The following TTYH1 variants were observed in gnomAD, a reference collection of about 807,000 sequenced individuals.
TTYH1 encodes the protein protein tweety homolog 1.
A neutral mutation model predicts 61.2 loss-of-function variants in TTYH1; 33 were observed. The ratio of observed to expected loss-of-function variants is 0.54; its 90% CI spans 0.41 to 0.72. The LOEUF (loss-of-function observed/expected upper bound fraction) is 0.72. Ranked by LOEUF, TTYH1 falls within the 30% of genes least tolerant of loss-of-function variation. The probability of loss-of-function intolerance (pLI) is 0.00; values close to 1 mark genes in which losing one functional copy is unlikely to be tolerated. For synonymous variants in TTYH1, 308 were observed against 266.4 expected, an observed-to-expected ratio of 1.16 and a Z score of -1.52; for missense variants, 538 against 575.8, an observed-to-expected ratio of 0.93 and a Z score of 0.67.
intron 1 of TTYH1, among the ~76,000 whole-genome samples, chr19:54,417,121 C>T (rs1477046987): frequency 6.6e-6 from 1 of 152,118 alleles, no homozygotes; most frequent in Admixed American, 6.5e-5. Flanking sequence ...GCCACACGCA[C>T]ACACTCACTG....
In TTYH1 at chr19:54,419,233, C is replaced by T. The variant is rs780983103; in HGVS notation, c.232C>T (p.Pro78Ser). 1.9e-6 allele frequency: 3 copies of T among 1,609,644 alleles called. No individual in the cohort carries two copies. The highest frequency in any genetic ancestry group is 1.3e-5 in the African/African-American group (1 of 74,940). The change falls in exon 2 of 14, where the codon CCC (proline) becomes TCC (serine). Residue 78 changes from proline to serine, a missense_variant. This residue lies in a region of TTYH1 where 157 missense variants were observed against 157.0 expected (regional missense o/e 1.00). Transcript: ENST00000376530. This position sits in a 1 kb window ranked among gnomAD's most constrained non-coding sequence, Gnocchi z 6.1. ...RFCCCRPPEP[P>S]GSKIPSPGGG... ...CTGCTGCTGCCGGCCCCCCGAGCCC[C>T]CCGGGTCCAAGATCCCCTCGCCCGG...
chr19:54,422,052 C>CA, intron 3 of TTYH1, 138 bp from the exon 4 acceptor site: 1 of 673,532 alleles, frequency 1.5e-6, no homozygotes, highest in Non-Finnish European at 2.5e-6. Flanking sequence ...TTCCCTTACT[C>CA]AATCCTCAGA....
intron 5 of TTYH1, among the ~76,000 whole-genome samples, chr19:54,428,784 AC>A (rs2083379002): frequency 6.6e-6 from 1 of 152,114 alleles, no homozygotes; most frequent in South Asian, 2.1e-4. Context: ...CAGGTCTGGG[AC>A]TGGAAGCCAG....
intron 10 of TTYH1, chr19:54,433,854 G>A (rs2083488198): frequency 6.6e-6 from 1 of 152,180 alleles, no homozygotes; most frequent in African/African-American, 2.4e-5. Context: ...CCTTCTCTGG[G>A]CTGCAACTTC....
rs1461042239 is a variant in TTYH1 at position 54,435,841 on chromosome 19, G to A, written c.1282G>A (p.Asp428Asn). Reference protein sequence around the residue: ...ALFPPSDDYDDTDDDDPFNPQ... With the variant: ...ALFPPSDDYDNTDDDDPFNPQ... ...ATCAAACCCCAGTGACGACTACGAT[G>A]ACACAGACGATGACGACCCTTTCAA... Residue 428 changes from aspartate (D) to asparagine (N), a missense_variant, in exon 12 of 14, where the codon GAC becomes AAC. Transcript: ENST00000376530. 8 of 1,613,456 alleles carry A rather than the reference G, an allele frequency of 5.0e-6. No individual in the cohort carries two copies. The highest frequency in any genetic ancestry group is 1.1e-5 in the South Asian group (1 of 90,628).
Position 54,419,115 on chromosome 19 carries a change from C to T in TTYH1, c.127-13C>T, listed in dbSNP as rs1044079024. 3 of 1,604,102 alleles carry T rather than the reference C, an allele frequency of 1.9e-6. No individual in the cohort carries two copies. Among genetic ancestry groups the T allele is most frequent in the Non-Finnish European group, 2.6e-6 (3 of 1,174,432 alleles). On this transcript the variant is annotated splice_polypyrimidine_tract_variant and intron_variant, in intron 1 of 13. Transcript: ENST00000376530. This position sits in a 1 kb window ranked among gnomAD's most constrained non-coding sequence, Gnocchi z 6.1. ...GGGTGCCCTCGGAGGTCTGATGTCA[C>T]CCCCTTCCCCAGGCCTTGTTGCTGG...
Position 54,421,138 on chromosome 19 carries a change from C to G in TTYH1, c.306-139C>G. 1 of 638,156 alleles carries G rather than the reference C, an allele frequency of 1.6e-6. No homozygotes were observed. Among genetic ancestry groups the G allele is most frequent in the Non-Finnish European group, 2.8e-6 (1 of 353,032 alleles). 39.5% of individuals were successfully genotyped at this position (638,156 alleles called of 1,614,324 possible). A position where few individuals can be genotyped will look rare whatever the true frequency, so the allele number is the denominator to read the frequency against. The stretch of plus-strand genomic sequence containing the variant: ...GGCCAGGCTGAAGTCGCCCTTTTCC[C>G]ACGGGCTGGCCCAATGAGGTGGGGC... On this transcript the variant is annotated intron_variant, in intron 2 of 13. Coordinates refer to ENST00000376530, the MANE Select transcript of TTYH1 (RefSeq NM_020659.4). The surrounding 1 kb of genome is among the most constrained non-coding windows in gnomAD (Gnocchi z 4.8).
In TTYH1 at chr19:54,416,176, G is replaced by A. The variant is rs563885386; in HGVS notation, c.126+498G>A. The A allele has an allele frequency of 8.3e-6, 7 of 841,016 alleles. No individual in the cohort carries two copies. The East Asian group carries it at 4.0e-4, about 48-fold the overall frequency. 52.1% of individuals were successfully genotyped at this position (841,016 alleles called of 1,614,324 possible). ...GGGATGGGATTGAGAGTCTGAAATG[G>A]GGAAGGGGGCTTCAGGGGCTGAGGA... On this transcript the variant is annotated intron_variant, in intron 1 of 13. Coordinates refer to ENST00000376530, the MANE Select transcript of TTYH1 (RefSeq NM_020659.4). This position sits in a 1 kb window ranked among gnomAD's most constrained non-coding sequence, Gnocchi z 7.0.
chr19:54,433,351 A>C (rs2083477285), intron 10 of TTYH1: 1 of 152,106 alleles, frequency 6.6e-6, no homozygotes, highest in African/African-American at 2.4e-5. Flanking sequence ...AGAGGTCAGG[A>C]GTTTGAGACC....
rs370969915 is a variant in TTYH1, at chr19:54,419,327, G to A, written c.305+21G>A. On this transcript the variant is annotated intron_variant, in intron 2 of 13. Coordinates refer to ENST00000376530, the MANE Select transcript of TTYH1 (RefSeq NM_020659.4). The surrounding 1 kb of genome is among the most constrained non-coding windows in gnomAD (Gnocchi z 6.1). ...GGCTGGTAATGGGGCCCCAGGGTGG[G>A]TGGGCGGTGGGGACAGGGCTCCCCA... 1,050 of 1,583,084 alleles carry A rather than the reference G, an allele frequency of 6.6e-4. 2 individuals are homozygous for A. The highest frequency in any genetic ancestry group is 6.2e-4 in the Non-Finnish European group (725 of 1,170,260).
In TTYH1 at chr19:54,418,991, C is replaced by T. The variant is rs1301507792; in HGVS notation, c.127-137C>T. ...CTGGGAGGGGCTGGGACCCAATCTC[C>T]CCCAAGATTAGGCCAGGGATGTCTC... On this transcript the variant is annotated intron_variant, in intron 1 of 13. Coordinates refer to ENST00000376530, the MANE Select transcript of TTYH1 (RefSeq NM_020659.4). 5 of 857,582 alleles carry T rather than the reference C, an allele frequency of 5.8e-6. No homozygotes were observed. The Admixed American group carries it at 7.8e-5, about 13-fold the overall frequency. 53.1% of individuals were successfully genotyped at this position (857,582 alleles called of 1,614,324 possible).
At position 54,416,946 on chromosome 19, in the gene TTYH1, A is replaced by G. The variant is rs1249379090; in HGVS notation, c.126+1268A>G. The G allele has an allele frequency of 6.4e-6, 8 of 1,251,646 alleles. No homozygotes were observed. Among genetic ancestry groups the G allele is most frequent in the African/African-American group, 4.7e-5 (3 of 63,560 alleles). The allele number at this position is 1,251,646 out of a possible 1,614,324, so 77.5% of individuals were successfully genotyped here. A position where few individuals can be genotyped will look rare whatever the true frequency, so the allele number is the denominator to read the frequency against. On this transcript the variant is annotated intron_variant, in intron 1 of 13. Coordinates refer to ENST00000376530, the MANE Select transcript of TTYH1 (RefSeq NM_020659.4). The surrounding 1 kb of genome is among the most constrained non-coding windows in gnomAD (Gnocchi z 7.0). ...AGAGGCACGGGTTTGGGGGAGCCTCACTCCGCCCCCACGGTCGGGGGTCAG... is the reference window on the plus strand; with the variant it reads ...AGAGGCACGGGTTTGGGGGAGCCTCGCTCCGCCCCCACGGTCGGGGGTCAG...
chr19:54,429,823 T>C lies in TTYH1; in HGVS notation c.808-59T>C. 1 of 1,476,122 alleles carries C rather than the reference T, an allele frequency of 6.8e-7. No individual in the cohort carries two copies. The allele number at this position is 1,476,122 out of a possible 1,614,324, so 91.4% of individuals were successfully genotyped here. ...CTGGGGAGCCAGGCACTGGGTGCTG[T>C]GGGAGTGTGGAATCGGGGCAGTTTT... On this transcript the variant is annotated intron_variant, in intron 6 of 13. Transcript: ENST00000376530. This position sits in a 1 kb window ranked among gnomAD's most constrained non-coding sequence, Gnocchi z 5.1.
chr19:54,416,000 G>C lies in TTYH1; in HGVS notation c.126+322G>C, dbSNP rs1326170725. ...CCTGCCTGGGAAGCCGGCCTCCAGGGTCATCGGGAGGGTAGGTCTACTCTT... is the reference window on the plus strand; with the variant it reads ...CCTGCCTGGGAAGCCGGCCTCCAGGCTCATCGGGAGGGTAGGTCTACTCTT... On this transcript the variant is annotated intron_variant, in intron 1 of 13. Coordinates refer to ENST00000376530, the MANE Select transcript of TTYH1 (RefSeq NM_020659.4). This position sits in a 1 kb window ranked among gnomAD's most constrained non-coding sequence, Gnocchi z 5.2. 1.5e-6 allele frequency: 2 copies of C among 1,334,910 alleles called. No homozygotes were observed. The highest frequency in any genetic ancestry group is 3.0e-5 in the African/African-American group (2 of 67,288). 82.7% of individuals were successfully genotyped at this position (1,334,910 alleles called of 1,614,324 possible).
chr19:54,418,478 C>G (rs1469939255), intron 1 of TTYH1: 1 of 150,948 alleles, frequency 6.6e-6, no homozygotes, highest in African/African-American at 2.4e-5. Context: ...CTGCCTGTGC[C>G]TCCCTCCATC....
chr19:54,416,172 A>G lies in TTYH1; in HGVS notation c.126+494A>G. On this transcript the variant is annotated intron_variant, in intron 1 of 13. Transcript: ENST00000376530. This position sits in a 1 kb window ranked among gnomAD's most constrained non-coding sequence, Gnocchi z 7.0. Reference sequence around the variant, plus strand: ...TGCTGGGATGGGATTGAGAGTCTGAAATGGGGAAGGGGGCTTCAGGGGCTG... The same window carrying G: ...TGCTGGGATGGGATTGAGAGTCTGAGATGGGGAAGGGGGCTTCAGGGGCTG... The G allele has an allele frequency of 1.1e-6, 1 of 888,316 alleles. No individual in the cohort carries two copies. The highest frequency in any genetic ancestry group is 1.6e-6 in the Non-Finnish European group (1 of 615,224). 55.0% of individuals were successfully genotyped at this position (888,316 alleles called of 1,614,324 possible).
Position 54,427,624 on chromosome 19 carries a change from A to C in TTYH1, c.734+856A>C, listed in dbSNP as rs533172769. The stretch of plus-strand genomic sequence containing the variant: ...ATTTCAAAAACAACAACAACAAAAA[A>C]AAAAAACAGATGAGGATGATGATCT... On this transcript the variant is annotated intron_variant, in intron 5 of 13. Transcript: ENST00000376530. Among the ~76,000 whole-genome samples the C allele has an allele frequency of 4.0e-5, 5 of 126,368 alleles. No homozygotes were observed. In the East Asian group the frequency reaches 1.3e-3, roughly 32 times the overall value. The allele number at this position is 126,368 out of a possible 152,430, so 82.9% of individuals were successfully genotyped here.
chr19:54,431,134 G>A lies in TTYH1; in HGVS notation c.1068G>A (p.Val356=). 13 of 1,614,020 alleles carry A rather than the reference G, an allele frequency of 8.1e-6. No homozygotes were observed. Among genetic ancestry groups the A allele is most frequent in the Non-Finnish European group, 1.1e-5 (13 of 1,179,930 alleles). The part of the protein sequence containing the change: ...PLLSLEETLN[V]TEGNFHQLVA... ...TGTCCTTGGAGGAGACTCTGAATGTGACAGAAGGAAATTTCCACCAGTTGG... is the reference window on the plus strand; with the variant it reads ...TGTCCTTGGAGGAGACTCTGAATGTAACAGAAGGAAATTTCCACCAGTTGG... The change falls in exon 10 of 14, where the codon GTG becomes GTA. Residue 356 remains valine (V), a synonymous_variant. Transcript: ENST00000376530.
In TTYH1 at chr19:54,416,797, T is replaced by C; in HGVS notation, c.126+1119T>C. On this transcript the variant is annotated intron_variant, in intron 1 of 13. Transcript: ENST00000376530. The surrounding 1 kb of genome is among the most constrained non-coding windows in gnomAD (Gnocchi z 7.0). The stretch of plus-strand genomic sequence containing the variant: ...CGTCCCCTCGCCCACAGCCTCGCGG[T>C]TACACAACGGCCACCTCCAACAACG... The C allele has an allele frequency of 1.5e-6, 2 of 1,294,018 alleles. No individual in the cohort carries two copies. The highest frequency in any genetic ancestry group is 2.0e-6 in the Non-Finnish European group (2 of 988,686). 80.2% of individuals were successfully genotyped at this position (1,294,018 alleles called of 1,614,324 possible).
Sources: gnomAD v4.1 joint callset for allele counts (sites outside exome capture counted in the v4.1 genomes callset) on GRCh38, gnomAD v4.1.1 for gene constraint, gnomAD v4.1.1 regional missense constraint, Gnocchi (gnomAD v3.1) non-coding constraint, MANE v1.5 for transcripts, NCBI Gene and HGNC (gene_info 2026-07-23, HGNC 2026-07-21) for gene names.